ACACB: variants seen among roughly 807,000 people sequenced by gnomAD.
The protein encoded by ACACB is acetyl-CoA carboxylase 2.
In ACACB, 209 loss-of-function variants were observed where a neutral mutation model predicts 278.8. The observed-to-expected ratio is 0.75, with a 90% CI of 0.67 to 0.84. ACACB has a LOEUF of 0.84. Ranked by LOEUF, ACACB falls within the 40% of genes least tolerant of loss-of-function variation. ACACB has a pLI of 0.00. For missense variants in ACACB, 2,850 were observed against 3,269.0 expected, an observed-to-expected ratio of 0.87 and a Z score of 3.13; for synonymous variants, 1,174 against 1,285.6, an observed-to-expected ratio of 0.91 and a Z score of 1.86.
chr12:109,240,957 A>G (rs2046778849), intron 35 of ACACB, 121 bp from the exon 36 acceptor site: 1 of 880,144 alleles, frequency 1.1e-6, no homozygotes, highest in Non-Finnish European at 1.8e-6. Flanking sequence ...TGTTGGATAC[A>G]CACTATGTCC....
At chr12:109,202,641 T>C (rs1007125771) in intron 19 of ACACB, among the ~76,000 whole-genome samples, 5 of 152,220 alleles carry the variant, frequency 3.3e-5, no homozygotes, top group African/African-American at 1.2e-4. Flanking sequence ...GTTATCAATT[T>C]ACTGTTATTA....
chr12:109,156,653 A>T (rs2043550028), intron 2 of ACACB, among the ~76,000 whole-genome samples: 1 of 149,918 alleles, frequency 6.7e-6, no homozygotes, highest in Non-Finnish European at 1.5e-5. Context: ...CCTGTAGCTG[A>T]ATCTCTGCCT....
intron 10 of ACACB, among the ~76,000 whole-genome samples, chr12:109,179,672 G>A (rs1009341979): frequency 6.6e-6 from 1 of 152,072 alleles, no homozygotes; most frequent in South Asian, 2.1e-4. Flanking sequence ...AAAAATTTTT[G>A]TAGAGACAGA....
intron 16 of ACACB, among the ~76,000 whole-genome samples, chr12:109,194,974 G>A (rs2045063749): frequency 6.6e-6 from 1 of 152,088 alleles, no homozygotes; most frequent in Non-Finnish European, 1.5e-5. Context: ...TTTACTACTG[G>A]AGTCCCTGGG....
chr12:109,258,273 G>T lies in ACACB; in HGVS notation c.6269G>T (p.Gly2090Val), dbSNP rs1177499354. The T allele has an allele frequency of 6.2e-7, 1 of 1,611,974 alleles. No individual in the cohort carries two copies. The highest frequency in any genetic ancestry group is 2.2e-5 in the East Asian group (1 of 44,832). Residue 2090 changes from glycine (G) to valine (V), a missense_variant, in exon 46 of 53, where the codon GGG (glycine) becomes GTG (valine). Around this residue, in one of 3 missense-constraint regions of ACACB, gnomAD observed 579 missense variants for 684.6 expected, o/e 0.85. Coordinates refer to ENST00000338432, the MANE Select transcript of ACACB (RefSeq NM_001093.4). ...QTVVTGRARL[G>V]GIPVGVIAVE... ...CACTGGTGCTCATTTTCCAGGCTTG[G>T]GGGGATTCCCGTGGGAGTGATTGCT...
chr12:109,147,391 CT>C (rs34959945), intron 2 of ACACB, among the ~76,000 whole-genome samples: 15,569 of 116,224 alleles, frequency 0.13, 965 homozygotes, highest in East Asian at 0.21. Flanking sequence ...TGTCTGGCTA[CT>C]TTTTTTTTTT....
Position 109,139,649 on chromosome 12 carries a change from C to T in ACACB, c.244C>T (p.Pro82Ser), listed in dbSNP as rs753327617. The stretch of plus-strand genomic sequence containing the variant: ...GGCCGAGCCAGCCTCCCACAAAGGC[C>T]CCAAAGATGCCGGTCGGCGGAGAAA... Reference protein sequence around the residue: ...SQAEPASHKGPKDAGRRRNSL... With the variant: ...SQAEPASHKGSKDAGRRRNSL... Residue 82 changes from proline to serine, a missense_variant, in exon 2 of 53, where the codon CCC becomes TCC. Coordinates refer to ENST00000338432, the MANE Select transcript of ACACB (RefSeq NM_001093.4). 1 of 1,614,120 alleles carries T rather than the reference C, an allele frequency of 6.2e-7. No homozygotes were observed. The highest frequency in any genetic ancestry group is 2.2e-5 in the East Asian group (1 of 44,882).
intron 41 of ACACB, 31 bp downstream of exon 41, chr12:109,250,135 C>T: frequency 1.3e-6 from 2 of 1,554,898 alleles, no homozygotes; most frequent in East Asian, 2.3e-5. Context: ...TCTTACTTTT[C>T]AACTTTCCAT....
intron 34 of ACACB, among the ~76,000 whole-genome samples, chr12:109,239,623 G>A (rs888824122): frequency 1.2e-4 from 18 of 152,240 alleles, no homozygotes; most frequent in Admixed American, 1.1e-3. Flanking sequence ...TCAGAATGCA[G>A]AAAATAGGAC....
chr12:109,142,312 C>G (rs967322380), intron 2 of ACACB, among the ~76,000 whole-genome samples: 5 of 152,056 alleles, frequency 3.3e-5, no homozygotes, highest in African/African-American at 4.8e-5. Flanking sequence ...ATTATTATTA[C>G]TATTTCCTGA....
chr12:109,250,436 A>G (rs924488822), intron 41 of ACACB, among the ~76,000 whole-genome samples: 6 of 152,218 alleles, frequency 3.9e-5, no homozygotes, highest in African/African-American at 1.4e-4. Flanking sequence ...CAGCAATATC[A>G]TTGAAACCCA....
chr12:109,137,559 C>A (rs1285607926), intron 1 of ACACB, among the ~76,000 whole-genome samples: 2 of 151,654 alleles, frequency 1.3e-5, no homozygotes, highest in Non-Finnish European at 2.9e-5. Context: ...ACTAGGGAGG[C>A]TGAGGCTCAA....
At chr12:109,114,688 A>C (rs547193437), upstream of ACACB, among the ~76,000 whole-genome samples, 5 of 152,002 alleles carry the variant, frequency 3.3e-5, no homozygotes, top group South Asian at 8.3e-4. Context: ...TAAAAAAAAA[A>C]AATTTTTTTT....
At chr12:109,215,759 C>CT (rs1353222825) in intron 22 of ACACB, among the ~76,000 whole-genome samples, 2 of 151,344 alleles carry the variant, frequency 1.3e-5, no homozygotes, top group African/African-American at 4.9e-5. Context: ...GAGCGAGACT[C>CT]TGTTTCAAAA....
chr12:109,259,544 C>T (rs535231507), intron 47 of ACACB, among the ~76,000 whole-genome samples: 149 of 148,320 alleles, frequency 1.0e-3, no homozygotes, highest in African/African-American at 3.4e-3. Flanking sequence ...GCCTGGGCAA[C>T]GGAGTGAGAC....
intron 1 of ACACB, among the ~76,000 whole-genome samples, chr12:109,128,174 A>C (rs2042728085): frequency 6.6e-6 from 1 of 151,822 alleles, no homozygotes; most frequent in Non-Finnish European, 1.5e-5. Context: ...GATCTTATGG[A>C]GTTTTGCTCT....
chr12:109,142,661 G>A (rs1444335468), intron 2 of ACACB, among the ~76,000 whole-genome samples: 1 of 152,086 alleles, frequency 6.6e-6, no homozygotes, highest in Admixed American at 6.6e-5. Context: ...CTGCCTCCCG[G>A]GTTCAAGCAA....
Position 109,241,193 on chromosome 12 carries a change from T to C in ACACB, c.4934T>C (p.Val1645Ala), listed in dbSNP as rs747735569. ...NIRQTTTGSA[V>A]PIRLFITNES... is the part of the protein sequence containing the mutation. ...CGCCAGACCACCACCGGCAGTGCCG[T>C]TCCCATCCGCCTGTTCATCACCAAT... is the stretch of plus-strand genomic sequence containing the variant. Residue 1645 changes from valine (V) to alanine (A), a missense_variant, in exon 36 of 53, where the codon GTT becomes GCT. Val to Ala is a moderately conservative substitution (Grantham distance 64, BLOSUM62 0). Coordinates refer to ENST00000338432, the MANE Select transcript of ACACB (RefSeq NM_001093.4). The C allele has an allele frequency of 4.3e-6, 7 of 1,614,040 alleles. No individual in the cohort carries two copies. In the East Asian group the frequency reaches 6.7e-5, roughly 15 times the overall value.
At chr12:109,246,896 G>C (rs979971889) in intron 39 of ACACB, among the ~76,000 whole-genome samples, 1 of 152,094 alleles carries the variant, frequency 6.6e-6, no homozygotes, top group Non-Finnish European at 1.5e-5. Flanking sequence ...AGGCAGCATA[G>C]CCAGACTTCG....
Sources: allele counts gnomAD v4.1 joint callset (sites outside exome capture counted in the v4.1 genomes callset), GRCh38; gene constraint gnomAD v4.1.1; regional missense constraint gnomAD v4.1.1; transcripts MANE v1.5; gene names NCBI Gene and HGNC (gene_info 2026-07-23, HGNC 2026-07-21).